Variants in SMAP2 observed in about 807,000 individuals in gnomAD.
SMAP2 encodes stromal membrane-associated protein 2.
A neutral mutation model predicts 56.4 loss-of-function variants in SMAP2; 25 were observed. The observed-to-expected ratio is 0.44, with a 90% CI of 0.32 to 0.62. The LOEUF is 0.62. Among genes scored for constraint, SMAP2 ranks in the 20% least tolerant of loss-of-function variants. The pLI, the probability that SMAP2 is intolerant of heterozygous loss-of-function variation, is 0.04. For missense variants in SMAP2, 388 were observed against 545.6 expected (o/e 0.71, Z 2.88); for synonymous variants, 157 against 181.7 (o/e 0.86, Z 1.09).
chr1:40,415,480 G>A, intron 7 of SMAP2, 99 bp downstream of exon 7: 1 of 835,528 alleles, frequency 1.2e-6, no homozygotes, highest in Non-Finnish European at 2.0e-6. Flanking sequence ...GGTGGAGTTG[G>A]ACTTTGGTTT....
At chr1:40,397,743 A>G (rs190048260) in intron 1 of SMAP2, among the ~76,000 whole-genome samples, 33 of 152,274 alleles carry the variant, frequency 2.2e-4, no homozygotes, top group African/African-American at 7.7e-4. Flanking sequence ...CTCGAACAAG[A>G]TATTAAGTAT....
intron 1 of SMAP2, among the ~76,000 whole-genome samples, chr1:40,399,697 G>C (rs1644811461): frequency 1.5e-5 from 1 of 67,100 alleles, no homozygotes; most frequent in Non-Finnish European, 2.8e-5. Context: ...GTAAGACCCT[G>C]TCTCAAAAAA....
chr1:40,345,402 A>G (rs967106133), intron 1 of SMAP2, among the ~76,000 whole-genome samples: 113 of 151,346 alleles, frequency 7.5e-4, no homozygotes, highest in African/African-American at 2.7e-3. Flanking sequence ...AAAAAAAAAA[A>G]GTAAACAGCA....
chr1:40,358,715 A>T (rs897818659), intron 1 of SMAP2, among the ~76,000 whole-genome samples: 32 of 152,164 alleles, frequency 2.1e-4, no homozygotes, highest in Non-Finnish European at 4.0e-4. Flanking sequence ...GTTGTATGAA[A>T]TGTTTTGTAT....
At position 40,385,922 on chromosome 1, in the gene SMAP2, AG is replaced by A. The variant is rs1449067433; in HGVS notation, c.103+11701del. On this transcript the variant is annotated intron_variant, in intron 1 of 9. Coordinates refer to ENST00000372718, the MANE Select transcript of SMAP2 (RefSeq NM_022733.3). This position sits in a 1 kb window ranked among gnomAD's most constrained non-coding sequence, Gnocchi z 4.5. ...CTCTAGTGTTTCTAGTTTTGAGTTA[AG>A]GAAGTTTTGTCTTGATATTGTTTAG... Among the ~76,000 whole-genome samples, 1 of 152,208 alleles carries A rather than the reference AG, an allele frequency of 6.6e-6. No homozygotes were observed.
chr1:40,396,437 G>A (rs923573515), intron 1 of SMAP2, among the ~76,000 whole-genome samples: 1 of 152,090 alleles, frequency 6.6e-6, no homozygotes, highest in African/African-American at 2.4e-5. Flanking sequence ...AAATTTCTTG[G>A]TGTAGGATTT....
chr1:40,417,172 ATCCTTTGAATCCTT>A, intron 9 of SMAP2, 76 bp downstream of exon 9: 1 of 939,090 alleles, frequency 1.1e-6, no homozygotes, highest in Admixed American at 2.7e-5. Context: ...CCTCTCCACT[ATCCTTTGAATCCTT>A]TCCATGTAGA....
At chr1:40,371,015 T>C (rs3013459), upstream of SMAP2, among the ~76,000 whole-genome samples, 24,404 of 151,798 alleles carry the variant, frequency 0.16, 2,546 homozygotes, top group African/African-American at 0.3. Context: ...TCTATTAAAA[T>C]ACAAAAAATT....
At position 40,361,300 on chromosome 1, in the gene SMAP2, G is replaced by C. The variant is rs544366698; in HGVS notation, c.-82-1000G>C. 7.9e-5 allele frequency among the ~76,000 whole-genome samples: 12 copies of C among 152,212 alleles called. No homozygotes were observed. In the South Asian group the frequency reaches 2.5e-3, roughly 32 times the overall value. On this transcript the variant is annotated intron_variant, in intron 1 of 6. Coordinates refer to the SMAP2 transcript ENST00000435168. Reference sequence around the variant, plus strand: ...CCAGTCCTGGCAGGATTCTTCACTTGTTCACTCAAGAGCACTTGGGCCCCG... The same window carrying C: ...CCAGTCCTGGCAGGATTCTTCACTTCTTCACTCAAGAGCACTTGGGCCCCG...
intron 1 of SMAP2, among the ~76,000 whole-genome samples, chr1:40,352,804 A>T (rs1470978670): frequency 1.3e-5 from 2 of 152,168 alleles, no homozygotes; most frequent in Non-Finnish European, 2.9e-5. Context: ...CTAAGATTAC[A>T]GGTGTGAGCC....
chr1:40,389,991 A>G (rs1461460305), intron 1 of SMAP2, among the ~76,000 whole-genome samples: 4 of 145,206 alleles, frequency 2.8e-5, no homozygotes, highest in Non-Finnish European at 5.9e-5. Context: ...TTGTACTCAC[A>G]TGGCTGGTAT....
At position 40,387,172 on chromosome 1, in the gene SMAP2, T is replaced by C. The variant is rs116373420; in HGVS notation, c.103+12949T>C. Among the ~76,000 whole-genome samples, 848 of 152,322 alleles carry C rather than the reference T, an allele frequency of 5.6e-3. 9 individuals are homozygous for C. The highest frequency in any genetic ancestry group is 0.02 in the African/African-American group (812 of 41,570). On this transcript the variant is annotated intron_variant, in intron 1 of 9. Transcript: ENST00000372718. ...CCGGCCTTATTTTTCATAATTCTTA[T>C]CACCCATTTACTTGAGCTTATACCA... is the stretch of plus-strand genomic sequence containing the variant.
Position 40,421,854 on chromosome 1 carries a change from A to G in SMAP2, c.1165-122A>G, listed in dbSNP as rs1382391333. 3.4e-5 allele frequency: 39 copies of G among 1,144,710 alleles called. 1 individual carries two copies. The highest frequency in any genetic ancestry group is 1.0e-5 in the Non-Finnish European group (8 of 790,376). 70.9% of individuals were successfully genotyped at this position (1,144,710 alleles called of 1,614,324 possible). A position where few individuals can be genotyped will look rare whatever the true frequency, so the allele number is the denominator to read the frequency against. On this transcript the variant is annotated intron_variant, in intron 9 of 9. Transcript: ENST00000372718. The stretch of plus-strand genomic sequence containing the variant: ...TAAGGTCCAGGGTTTACTGTCCATA[A>G]CAGAGTTTCCCTTTGTCTCATTCTC...
intron 1 of SMAP2, among the ~76,000 whole-genome samples, chr1:40,354,434 G>C (rs1569816599): frequency 6.6e-6 from 1 of 151,824 alleles, no homozygotes; most frequent in African/African-American, 2.4e-5. Flanking sequence ...CGCCTCCCGG[G>C]TTCAAGTGAT....
intron 1 of SMAP2, among the ~76,000 whole-genome samples, chr1:40,384,210 A>G (rs1478231129): frequency 6.6e-6 from 1 of 152,136 alleles, no homozygotes; most frequent in Non-Finnish European, 1.5e-5. Context: ...GCCTCAGCTC[A>G]GTGTTTTCTT....
intron 1 of SMAP2, among the ~76,000 whole-genome samples, chr1:40,400,477 G>A (rs1461255011): frequency 2.0e-5 from 3 of 152,270 alleles, no homozygotes; most frequent in East Asian, 1.9e-4. Context: ...GCAGTGGTCC[G>A]AAAGAGTCTG....
chr1:40,398,357 T>C (rs1644794334), intron 1 of SMAP2, among the ~76,000 whole-genome samples: 1 of 151,978 alleles, frequency 6.6e-6, no homozygotes, highest in African/African-American at 2.4e-5. Context: ...GCCTCCCAAG[T>C]AGCTAGGACT....
chr1:40,389,036 G>A (rs2124265786), intron 1 of SMAP2, among the ~76,000 whole-genome samples: 1 of 152,124 alleles, frequency 6.6e-6, no homozygotes, highest in Non-Finnish European at 1.5e-5. Flanking sequence ...GAACACATCC[G>A]AACATCAGAA....
chr1:40,389,047 G>C (rs1644690238), intron 1 of SMAP2, among the ~76,000 whole-genome samples: 4 of 151,924 alleles, frequency 2.6e-5, no homozygotes, highest in Admixed American at 1.3e-4. Flanking sequence ...AACATCAGAA[G>C]GAACAAACTC....
Sources: allele counts gnomAD v4.1 joint callset (sites outside exome capture counted in the v4.1 genomes callset), GRCh38; gene constraint gnomAD v4.1.1; non-coding constraint Gnocchi (gnomAD v3.1); transcripts MANE v1.5; gene names NCBI Gene and HGNC (gene_info 2026-07-23, HGNC 2026-07-21).